Variants in PCDHGA10 observed in about 807,000 individuals in gnomAD.
PCDHGA10 encodes protocadherin gamma subfamily A, 10.
In PCDHGA10, 42 loss-of-function variants were observed where a neutral mutation model predicts 59.5. The observed-to-expected ratio is 0.71, with a 90% CI of 0.55 to 0.91. The LOEUF is 0.91. Among genes scored for constraint, PCDHGA10 ranks in the 40% least tolerant of loss-of-function variants. The pLI, the probability that PCDHGA10 is intolerant of heterozygous loss-of-function variation, is 0.00. For synonymous variants in PCDHGA10, 511 were observed against 517.2 expected (o/e 0.99, Z 0.16); for missense variants, 1,111 against 1,198.2 (o/e 0.93, Z 1.07).
chr5:141,481,730 G>A (rs778885944), intron 1 of PCDHGA10, among the ~76,000 whole-genome samples: 1 of 151,952 alleles, frequency 6.6e-6, no homozygotes, highest in African/African-American at 2.4e-5. Context: ...GAGGCGGGCG[G>A]ATCACGAGGT....
Position 141,487,421 on chromosome 5 carries a change from C to T in PCDHGA10, c.2437-7386C>T. ...GGGGCTTCCCCCTTCCAATGGGATC[C>T]TCCGAATCCAGCTAGGGTCAGATGA... On this transcript the variant is annotated intron_variant, in intron 1 of 3. Coordinates refer to ENST00000398610, the MANE Select transcript of PCDHGA10 (RefSeq NM_018913.3). This position sits in a 1 kb window ranked among gnomAD's most constrained non-coding sequence, Gnocchi z 5.0. The T allele has an allele frequency of 6.2e-7, 1 of 1,614,144 alleles. No homozygotes were observed. The highest frequency in any genetic ancestry group is 1.1e-5 in the South Asian group (1 of 91,082).
intron 1 of PCDHGA10, chr5:141,479,325 A>C (rs2099492835): frequency 6.6e-6 from 1 of 152,648 alleles, no homozygotes; most frequent in South Asian, 2.1e-4. Context: ...AGCCAGACTC[A>C]GTGGTGTGCA....
intron 1 of PCDHGA10, chr5:141,441,650 G>C (rs932742795): frequency 8.4e-6 from 2 of 238,510 alleles, no homozygotes; most frequent in African/African-American, 2.4e-5. Context: ...TGTGATTCTA[G>C]GTGTCCTTGA....
intron 1 of PCDHGA10, among the ~76,000 whole-genome samples, chr5:141,470,664 G>A (rs1308061207): frequency 6.6e-6 from 1 of 151,882 alleles, no homozygotes; most frequent in Non-Finnish European, 1.5e-5. Context: ...CTTTGGTTAG[G>A]GCTCTGCTGT....
chr5:141,460,270 C>G (rs1223096441), intron 1 of PCDHGA10, among the ~76,000 whole-genome samples: 1 of 151,828 alleles, frequency 6.6e-6, no homozygotes, highest in Non-Finnish European at 1.5e-5. Context: ...TTTATTTTTT[C>G]TTTTATAGTT....
intron 1 of PCDHGA10, among the ~76,000 whole-genome samples, chr5:141,466,225 C>A (rs925594512): frequency 2.0e-5 from 3 of 152,028 alleles, no homozygotes; most frequent in Admixed American, 6.6e-5. Flanking sequence ...GGCTGGAGTG[C>A]AGTGGCACCA....
rs2099606506 is a variant in PCDHGA10 at position 141,485,072 on chromosome 5, G to A, written c.2437-9735G>A. ...CCGGCCGAACCGCGCCAGAGCTGGC[G>A]CGGGGAAAGGGAGATAGGTGTCTCC... On this transcript the variant is annotated intron_variant, in intron 1 of 3. Transcript: ENST00000398610. This position sits in a 1 kb window ranked among gnomAD's most constrained non-coding sequence, Gnocchi z 5.7. 2 of 916,892 alleles carry A rather than the reference G, an allele frequency of 2.2e-6. No homozygotes were observed. The highest frequency in any genetic ancestry group is 3.4e-6 in the Non-Finnish European group (2 of 587,886). The allele number at this position is 916,892 out of a possible 1,614,324, so 56.8% of individuals were successfully genotyped here.
At chr5:141,421,955 T>A in intron 1 of PCDHGA10, 1 of 1,612,914 alleles carries the variant, frequency 6.2e-7, no homozygotes, top group South Asian at 1.1e-5. Context: ...ATCCCAATGT[T>A]TACACAGTCC....
chr5:141,497,473 AGGT>A (rs2099776769), intron 2 of PCDHGA10, among the ~76,000 whole-genome samples: 1 of 151,750 alleles, frequency 6.6e-6, no homozygotes. Flanking sequence ...ATGGAGGAGA[AGGT>A]GCGGAACCTC....
At chr5:141,473,168 A>G (rs1026233643) in intron 1 of PCDHGA10, among the ~76,000 whole-genome samples, 2 of 152,218 alleles carry the variant, frequency 1.3e-5, no homozygotes, top group Admixed American at 1.3e-4. Context: ...AGGAAGGCCC[A>G]CTGGTAACTT....
At chr5:141,433,237 A>G in intron 1 of PCDHGA10, 1 of 1,495,940 alleles carries the variant, frequency 6.7e-7, no homozygotes, top group South Asian at 1.3e-5. Flanking sequence ...TCTGTCTCCC[A>G]AGCTGGAATG....
rs2099884159 is a variant in PCDHGA10 at position 141,512,278 on chromosome 5, G to A, written c.*1105G>A. 6.5e-6 allele frequency: 1 copy of A among 152,812 alleles called. No homozygotes were observed. Among genetic ancestry groups the A allele is most frequent in the Non-Finnish European group, 1.5e-5 (1 of 68,170 alleles). 9.5% of individuals were successfully genotyped at this position (152,812 alleles called of 1,614,324 possible). A position where few individuals can be genotyped will look rare whatever the true frequency, so the allele number is the denominator to read the frequency against. ...TGCTGGGTACTCCAGAGGTGCCACT[G>A]GTGGAAGGGTCAGCGGAGCCCCAGC... On this transcript the variant is annotated 3_prime_UTR_variant, in exon 4 of 4. Coordinates refer to ENST00000398610, the MANE Select transcript of PCDHGA10 (RefSeq NM_018913.3).
chr5:141,492,164 C>T (rs1180358388), intron 1 of PCDHGA10, among the ~76,000 whole-genome samples: 2 of 152,230 alleles, frequency 1.3e-5, no homozygotes, highest in East Asian at 1.9e-4. Context: ...CTCCCTATCC[C>T]CGCATCACCC....
At chr5:141,430,996 G>A (rs1256552269) in intron 1 of PCDHGA10, 6 of 1,614,024 alleles carry the variant, frequency 3.7e-6, no homozygotes, top group Non-Finnish European at 5.1e-6. Context: ...CCCTGAATCC[G>A]CGCAGCGGCA....
chr5:141,485,827 G>A lies in PCDHGA10; in HGVS notation c.2437-8980G>A. 1 of 1,614,154 alleles carries A rather than the reference G, an allele frequency of 6.2e-7. No individual in the cohort carries two copies. The highest frequency in any genetic ancestry group is 1.1e-5 in the South Asian group (1 of 91,080). On this transcript the variant is annotated intron_variant, in intron 1 of 3. Coordinates refer to ENST00000398610, the MANE Select transcript of PCDHGA10 (RefSeq NM_018913.3). The surrounding 1 kb of genome is among the most constrained non-coding windows in gnomAD (Gnocchi z 5.7). Reference sequence around the variant, plus strand: ...TGGTGCTGACTGCTGTCGATGGAGGGAACCCGCCGAGATCTGGCACCGCAG... The same window carrying A: ...TGGTGCTGACTGCTGTCGATGGAGGAAACCCGCCGAGATCTGGCACCGCAG...
intron 3 of PCDHGA10, among the ~76,000 whole-genome samples, chr5:141,508,848 TC>T (rs1390332366): frequency 6.6e-5 from 10 of 151,752 alleles, no homozygotes. Context: ...CCCCTTCCAT[TC>T]CCAGGCTGGG....
chr5:141,424,127 A>T (rs901831932), intron 1 of PCDHGA10: 1 of 486,538 alleles, frequency 2.1e-6, no homozygotes, highest in African/African-American at 2.1e-5. Flanking sequence ...GATCCTGTTG[A>T]TTTAATAGCA....
At chr5:141,510,124 A>G (rs2099879540) in intron 3 of PCDHGA10, among the ~76,000 whole-genome samples, 1 of 152,156 alleles carries the variant, frequency 6.6e-6, no homozygotes, top group Admixed American at 6.5e-5. Context: ...AAATACAAAA[A>G]TTAGCTGGGC....
At chr5:141,419,029 T>C in intron 1 of PCDHGA10, 1 of 1,613,886 alleles carries the variant, frequency 6.2e-7, no homozygotes, top group Non-Finnish European at 8.5e-7. Flanking sequence ...GTAGAGGTGT[T>C]CCATTTAAGA....
Sources: gnomAD v4.1 joint callset for allele counts (sites outside exome capture counted in the v4.1 genomes callset) on GRCh38, gnomAD v4.1.1 for gene constraint, Gnocchi (gnomAD v3.1) non-coding constraint, MANE v1.5 for transcripts, NCBI Gene and HGNC (gene_info 2026-07-23, HGNC 2026-07-21) for gene names.